The following NSMCE2 variants were observed in gnomAD, a reference collection of about 807,000 sequenced individuals.
NSMCE2 encodes E3 SUMO-protein ligase NSE2.
A neutral mutation model predicts 23.8 loss-of-function variants in NSMCE2; 24 were observed. That is an observed-to-expected ratio of 1.01 (90% CI 0.73 to 1.42). The LOEUF is 1.42. Among genes scored for constraint, NSMCE2 ranks in the 40% most tolerant of loss-of-function variants. The pLI is 0.00. For synonymous variants in NSMCE2, 92 were observed against 94.1 expected (o/e 0.98, Z 0.13); for missense variants, 284 against 296.5 (o/e 0.96, Z 0.31).
At chr8:125,133,533 A>C (rs937451784) in intron 3 of NSMCE2, among the ~76,000 whole-genome samples, 1 of 152,184 alleles carries the variant, frequency 6.6e-6, no homozygotes, top group Non-Finnish European at 1.5e-5. Flanking sequence ...TGAGCTCAGG[A>C]GTTCGAGATC....
At chr8:125,354,835 C>T (rs1304061730) in intron 5 of NSMCE2, among the ~76,000 whole-genome samples, 11 of 152,142 alleles carry the variant, frequency 7.2e-5, no homozygotes, top group African/African-American at 2.7e-4. Flanking sequence ...CTCAGTACAG[C>T]TTGAGCATCC....
chr8:125,217,220 T>C (rs116102956), intron 5 of NSMCE2, among the ~76,000 whole-genome samples: 2,318 of 152,332 alleles, frequency 0.015, 40 homozygotes, highest in Admixed American at 0.047. Context: ...CATATTATGC[T>C]TGTGCTAGGC....
chr8:125,128,242 G>A (rs907089625), intron 3 of NSMCE2, among the ~76,000 whole-genome samples: 4 of 152,128 alleles, frequency 2.6e-5, no homozygotes, highest in Non-Finnish European at 5.9e-5. Context: ...TTATTCTCTG[G>A]CCATAATGTG....
intron 5 of NSMCE2, among the ~76,000 whole-genome samples, chr8:125,271,951 G>T (rs367880647): frequency 6.6e-6 from 1 of 152,010 alleles, no homozygotes; most frequent in Non-Finnish European, 1.5e-5. Flanking sequence ...GAGATATTCG[G>T]TGACTTGGCC....
intron 3 of NSMCE2, among the ~76,000 whole-genome samples, chr8:125,134,327 A>G (rs1423959664): frequency 1.3e-5 from 2 of 152,214 alleles, no homozygotes; most frequent in Non-Finnish European, 2.9e-5. Flanking sequence ...TAATAGAGTT[A>G]CTATTAGAAG....
chr8:125,242,702 G>A (rs886636712), intron 5 of NSMCE2, among the ~76,000 whole-genome samples: 2 of 152,312 alleles, frequency 1.3e-5, no homozygotes, highest in African/African-American at 2.4e-5. Context: ...TGGAAGAGGA[G>A]GGGGGACATA....
chr8:125,212,495 T>G (rs1004897884), intron 5 of NSMCE2, among the ~76,000 whole-genome samples: 1 of 151,900 alleles, frequency 6.6e-6, no homozygotes, highest in Non-Finnish European at 1.5e-5. Flanking sequence ...AACAACAAGG[T>G]GAAAAGAGCA....
intron 5 of NSMCE2, among the ~76,000 whole-genome samples, chr8:125,308,710 A>T (rs1301277680): frequency 6.6e-6 from 1 of 152,104 alleles, no homozygotes; most frequent in East Asian, 1.9e-4. Flanking sequence ...TTGGGAAGCC[A>T]TTTTCCTCCC....
intron 5 of NSMCE2, among the ~76,000 whole-genome samples, chr8:125,311,248 CT>C (rs1828962661): frequency 6.6e-6 from 1 of 152,180 alleles, no homozygotes; most frequent in African/African-American, 2.4e-5. Context: ...GAAAACCACT[CT>C]CCTCAATACT....
At position 125,151,219 on chromosome 8, in the gene NSMCE2, C is replaced by T. The variant is rs781522389; in HGVS notation, c.206C>T (p.Ala69Val). Residue 69 changes from alanine to valine, a missense_variant, in exon 4 of 8, where the codon GCT becomes GTT. Coordinates refer to ENST00000287437, the MANE Select transcript of NSMCE2 (RefSeq NM_173685.4). The part of the protein sequence containing the change: ...YSMDKAMVEF[A>V]TLDRQLNHYV... The stretch of plus-strand genomic sequence containing the variant: ...ATGGACAAGGCAATGGTTGAATTTG[C>T]TACATTGGATCGGCAACTAAACCAT... The T allele has an allele frequency of 6.2e-7, 1 of 1,609,800 alleles. No homozygotes were observed. The highest frequency in any genetic ancestry group is 1.1e-5 in the South Asian group (1 of 90,844).
intron 5 of NSMCE2, among the ~76,000 whole-genome samples, chr8:125,267,433 G>C (rs1398647766): frequency 6.6e-6 from 1 of 152,170 alleles, no homozygotes. Context: ...GACCAAATGT[G>C]AGAAGTAAGG....
At chr8:125,334,734 C>T (rs540512998) in intron 5 of NSMCE2, among the ~76,000 whole-genome samples, 172 of 142,756 alleles carry the variant, frequency 1.2e-3, no homozygotes, top group African/African-American at 4.1e-3. Flanking sequence ...ACTATGTGTA[C>T]GAAGGATTGG....
chr8:125,316,665 T>C lies in NSMCE2; in HGVS notation c.419-40554T>C, dbSNP rs530727014. ...TTCCTTCTTTCCTTCTTTCCTTCCTTCCTTCTTTCCTTCCTTCTTATCTTC... is the reference window on the plus strand; with the variant it reads ...TTCCTTCTTTCCTTCTTTCCTTCCTCCCTTCTTTCCTTCCTTCTTATCTTC... On this transcript the variant is annotated intron_variant, in intron 5 of 7. Coordinates refer to ENST00000287437, the MANE Select transcript of NSMCE2 (RefSeq NM_173685.4). 2.1e-5 allele frequency among the ~76,000 whole-genome samples: 3 copies of C among 145,686 alleles called. No homozygotes were observed. The South Asian group carries it at 6.9e-4, about 33-fold the overall frequency.
intron 3 of NSMCE2, among the ~76,000 whole-genome samples, chr8:125,149,549 A>T (rs1037643128): frequency 6.6e-6 from 1 of 152,134 alleles, no homozygotes; most frequent in African/African-American, 2.4e-5. Context: ...TTTTAGTTGA[A>T]ATTTTTATGT....
chr8:125,243,602 G>C (rs1825842627), intron 5 of NSMCE2, among the ~76,000 whole-genome samples: 1 of 151,954 alleles, frequency 6.6e-6, no homozygotes, highest in African/African-American at 2.4e-5. Context: ...TTATTAAATA[G>C]AAAGTAATGA....
At chr8:125,309,103 T>A (rs148265143) in intron 5 of NSMCE2, among the ~76,000 whole-genome samples, 1,666 of 152,004 alleles carry the variant, frequency 0.011, 37 homozygotes, top group African/African-American at 0.037. Flanking sequence ...AAAATTTAGT[T>A]GGGCATGGTG....
intron 7 of NSMCE2, among the ~76,000 whole-genome samples, chr8:125,366,513 C>A (rs905389300): frequency 3.0e-4 from 45 of 152,102 alleles, no homozygotes; most frequent in African/African-American, 1.1e-3. Flanking sequence ...GCACTCCAGA[C>A]TCCGTCTCAG....
At chr8:125,175,631 A>G (rs1191737597) in intron 4 of NSMCE2, among the ~76,000 whole-genome samples, 1 of 152,204 alleles carries the variant, frequency 6.6e-6, no homozygotes, top group African/African-American at 2.4e-5. Context: ...CACATGATTC[A>G]AAAAGTGTGT....
Position 125,357,246 on chromosome 8 carries a change from A to T in NSMCE2, c.446A>T (p.Asp149Val). The change falls in exon 6 of 8, where the codon GAC (aspartate) becomes GTC (valine). Residue 149 changes from aspartate (D) to valine (V), a missense_variant. Asp to Val is a radical substitution (Grantham distance 152). Coordinates refer to ENST00000287437, the MANE Select transcript of NSMCE2 (RefSeq NM_173685.4). ...QCGLQADREA[D>V]GTEGVDEDII... ...GGTCTTCAAGCTGACAGAGAAGCTGACGGAACAGAAGGAGTGGATGAAGAT... is the reference window on the plus strand; with the variant it reads ...GGTCTTCAAGCTGACAGAGAAGCTGTCGGAACAGAAGGAGTGGATGAAGAT... 3 of 1,613,500 alleles carry T rather than the reference A, an allele frequency of 1.9e-6. No homozygotes were observed. The highest frequency in any genetic ancestry group is 2.2e-5 in the East Asian group (1 of 44,882).
Sources: allele counts gnomAD v4.1 joint callset (sites outside exome capture counted in the v4.1 genomes callset), GRCh38; gene constraint gnomAD v4.1.1; transcripts MANE v1.5; gene names NCBI Gene and HGNC (gene_info 2026-07-23, HGNC 2026-07-21).